HDHD5: variants seen among roughly 807,000 people sequenced by gnomAD.
The protein encoded by HDHD5 is haloacid dehalogenase-like hydrolase domain-containing 5.
In HDHD5, 34 loss-of-function variants were observed where a neutral mutation model predicts 35.5. That is an observed-to-expected ratio of 0.96 (90% confidence interval 0.73 to 1.28). The LOEUF (loss-of-function observed/expected upper bound fraction) is 1.28, where lower values mean the gene tolerates loss of function less well. Ranked by LOEUF, HDHD5 falls within the 50% of genes most tolerant of loss-of-function variation. The probability of loss-of-function intolerance (pLI) is 0.00; values close to 1 mark genes in which losing one functional copy is unlikely to be tolerated. For missense variants in HDHD5, 589 were observed against 560.2 expected (o/e 1.05, Z -0.52); for synonymous variants, 248 against 240.6 (o/e 1.03, Z -0.29).
At chr22:17,144,061 C>T (rs905288241) in intron 4 of HDHD5, among the ~76,000 whole-genome samples, 5 of 152,160 alleles carry the variant, frequency 3.3e-5, no homozygotes, top group Admixed American at 6.5e-5. Context: ...CTACCTCTCC[C>T]GAGGGCAGCT....
upstream of HDHD5, among the ~76,000 whole-genome samples, chr22:17,162,984 G>A (rs185901574): frequency 8.5e-5 from 13 of 152,280 alleles, no homozygotes; most frequent in African/African-American, 2.6e-4. Flanking sequence ...GTCATGTTAC[G>A]ACACAATCAC....
At chr22:17,149,808 AG>A in intron 1 of HDHD5, 63 bp from the exon 2 acceptor site, 2 of 1,455,436 alleles carry the variant, frequency 1.4e-6, no homozygotes, top group Non-Finnish European at 1.9e-6. Flanking sequence ...TTACAAAGAG[AG>A]GCTCAACACC....
upstream of HDHD5, among the ~76,000 whole-genome samples, chr22:17,161,256 AAAAAAGAAAGAAG>A (rs1336230638): frequency 1.3e-5 from 2 of 148,434 alleles, no homozygotes; most frequent in East Asian, 4.1e-4. Context: ...AAAAAAAAAA[AAAAAAGAAAGAAG>A]AAAAAAAGGC....
In HDHD5 at chr22:17,141,231, C is replaced by G. The variant is rs1399234587; in HGVS notation, c.574G>C (p.Val192Leu). 3.8e-6 allele frequency: 6 copies of G among 1,589,372 alleles called. No homozygotes were observed. Among genetic ancestry groups the G allele is most frequent in the Admixed American group, 1.8e-5 (1 of 55,928 alleles). ...CGGACCGGCTCCCCTAGGAGGAGCA[C>G]CCCTTTAAAGAACAGAGGCGCAGGT... The part of the protein sequence containing the change: ...PRNDFPRIEG[V>L]LLLGEPVRWE... The change falls in exon 6 of 8, where the codon GTG becomes CTG. Residue 192 changes from valine to leucine, a missense_variant and splice_region_variant. Val to Leu is a conservative substitution (Grantham distance 32). Coordinates refer to ENST00000336737, the MANE Select transcript of HDHD5 (RefSeq NM_033070.3).
upstream of HDHD5, among the ~76,000 whole-genome samples, chr22:17,162,768 C>G (rs950491862): frequency 3.3e-5 from 5 of 152,324 alleles, no homozygotes; most frequent in African/African-American, 1.2e-4. Flanking sequence ...GTTTGCACTT[C>G]CAGGAACAAG....
At chr22:17,161,684 G>A (rs2061864796), upstream of HDHD5, among the ~76,000 whole-genome samples, 2 of 151,618 alleles carry the variant, frequency 1.3e-5, no homozygotes, top group East Asian at 1.9e-4. Context: ...CCTGGGCAAC[G>A]TGACAAAACC....
intron 6 of HDHD5, among the ~76,000 whole-genome samples, chr22:17,140,470 G>A (rs1334754417): frequency 3.3e-5 from 5 of 151,974 alleles, no homozygotes; most frequent in East Asian, 1.9e-4. Flanking sequence ...CTGTAATCCC[G>A]GCACTTTTGG....
Position 17,137,753 on chromosome 22 carries a change from G to A in HDHD5, c.*268C>T. The A allele has an allele frequency of 2.2e-6, 1 of 448,758 alleles. No individual in the cohort carries two copies. The highest frequency in any genetic ancestry group is 3.9e-5 in the East Asian group (1 of 25,842). The allele number at this position is 448,758 out of a possible 1,614,324, so 27.8% of individuals were successfully genotyped here. A position where few individuals can be genotyped will look rare whatever the true frequency, so the allele number is the denominator to read the frequency against. On this transcript the variant is annotated 3_prime_UTR_variant, in exon 8 of 8. Coordinates refer to ENST00000336737, the MANE Select transcript of HDHD5 (RefSeq NM_033070.3). ...GAGAAGGACACTGAGGCACACAGGG[G>A]AAGAGAATGGCCTGAGGTTAGACTG...
intron 6 of HDHD5, among the ~76,000 whole-genome samples, chr22:17,140,619 T>A (rs1164134603): frequency 6.6e-6 from 1 of 151,706 alleles, no homozygotes; most frequent in Non-Finnish European, 1.5e-5. Context: ...AAACGACAAA[T>A]CCTTGCTTCC....
intron 1 of HDHD5, among the ~76,000 whole-genome samples, chr22:17,157,114 A>ACACACACACACACAC (rs1555881519): frequency 4.0e-5 from 6 of 148,286 alleles, no homozygotes; most frequent in South Asian, 2.7e-4. Context: ...ACACACACAC[A>ACACACACACACACAC]AAAGAAAAAA....
At chr22:17,143,252 T>A in intron 4 of HDHD5, 121 bp from the exon 5 acceptor site, 1 of 1,050,908 alleles carries the variant, frequency 9.5e-7, no homozygotes, top group South Asian at 1.7e-5. Flanking sequence ...CCCACACCCG[T>A]GGTCAAGCCC....
rs370743035 is a variant in HDHD5 at position 17,143,059 on chromosome 22, G to A, written c.571+39C>T. 2.0e-4 allele frequency: 324 copies of A among 1,604,112 alleles called. 1 individual carries two copies. Among genetic ancestry groups the A allele is most frequent in the Middle Eastern group, 1.2e-3 (7 of 6,034 alleles). ...GCCTGAGGGCCAGAGAGGAGACGGA[G>A]AAAAGACCTCACAACTCATCAAAGA... On this transcript the variant is annotated intron_variant, in intron 5 of 7. Transcript: ENST00000336737.
In HDHD5 at chr22:17,137,611, T is replaced by C. The variant is rs1182806269; in HGVS notation, c.*410A>G. On this transcript the variant is annotated 3_prime_UTR_variant, in exon 8 of 8. Coordinates refer to ENST00000336737, the MANE Select transcript of HDHD5 (RefSeq NM_033070.3). Reference sequence around the variant, plus strand: ...AACTACAATACAGTAAAAAGTAGCATCTGGTGTTAAGACACTCTGCCGACA... The same window carrying C: ...AACTACAATACAGTAAAAAGTAGCACCTGGTGTTAAGACACTCTGCCGACA... The C allele has an allele frequency of 1.8e-5, 3 of 170,886 alleles. No individual in the cohort carries two copies. The highest frequency in any genetic ancestry group is 3.7e-5 in the Non-Finnish European group (3 of 80,568). The allele number at this position is 170,886 out of a possible 1,614,324, so 10.6% of individuals were successfully genotyped here.
intron 1 of HDHD5, among the ~76,000 whole-genome samples, chr22:17,150,374 A>G (rs1470674868): frequency 6.6e-6 from 1 of 152,176 alleles, no homozygotes; most frequent in African/African-American, 2.4e-5. Flanking sequence ...CTTGTCTCCA[A>G]CTTACTTAGT....
intron 1 of HDHD5, chr22:17,158,497 G>A (rs546417566): frequency 1.3e-5 from 2 of 152,322 alleles, no homozygotes; most frequent in African/African-American, 4.8e-5. Context: ...TGCAGGACCT[G>A]AGAAAACGTA....
At chr22:17,139,814 C>T (rs1439240828) in intron 6 of HDHD5, among the ~76,000 whole-genome samples, 2 of 152,222 alleles carry the variant, frequency 1.3e-5, no homozygotes, top group Non-Finnish European at 2.9e-5. Flanking sequence ...AGGTGATCCA[C>T]CCACCTCGGC....
At chr22:17,159,453 C>G (rs772607610), upstream of HDHD5, 32 of 570,846 alleles carry the variant, frequency 5.6e-5, 1 homozygote, top group South Asian at 4.7e-4. Flanking sequence ...GGGGTCCCGC[C>G]GCCTCCTAGA....
chr22:17,143,426 G>A (rs969612227), intron 4 of HDHD5: 9 of 332,120 alleles, frequency 2.7e-5, no homozygotes, highest in African/African-American at 1.7e-4. Flanking sequence ...ATATAGCCAA[G>A]CAAGAGTCTA....
At chr22:17,151,727 TAAAAAAAAAAAA>T (rs59104154) in intron 1 of HDHD5, among the ~76,000 whole-genome samples, 1 of 113,124 alleles carries the variant, frequency 8.8e-6, no homozygotes, top group Non-Finnish European at 1.7e-5. Flanking sequence ...TAGACTCTAC[TAAAAAAAAAAAA>T]AAAAAAAAAA....
Sources: allele counts gnomAD v4.1 joint callset (sites outside exome capture counted in the v4.1 genomes callset), GRCh38; gene constraint gnomAD v4.1.1; transcripts MANE v1.5; gene names NCBI Gene and HGNC (gene_info 2026-07-23, HGNC 2026-07-21).